Variants in AGBL4 observed in about 807,000 individuals in gnomAD.
AGBL4 encodes cytosolic carboxypeptidase 6.
AGBL4 carries 58 observed loss-of-function variants against 66.4 expected under a neutral mutation model. That is an observed-to-expected ratio of 0.87 (90% CI 0.71 to 1.09). AGBL4 has a LOEUF of 1.09. Ranked by LOEUF, AGBL4 falls within the 50% of genes least tolerant of loss-of-function variation. The pLI is 0.00. For synonymous variants in AGBL4, 234 were observed against 222.9 expected, an observed-to-expected ratio of 1.05 and a Z score of -0.44; for missense variants, 579 against 631.0, an observed-to-expected ratio of 0.92 and a Z score of 0.88.
intron 5 of AGBL4, among the ~76,000 whole-genome samples, chr1:48,941,980 T>C (rs1181465248): frequency 6.6e-6 from 1 of 152,240 alleles, no homozygotes; most frequent in African/African-American, 2.4e-5. Flanking sequence ...CAATGCCTTT[T>C]TCTCTTGCCC....
downstream of AGBL4, among the ~76,000 whole-genome samples, chr1:48,528,635 C>G (rs1417127692): frequency 1.3e-5 from 2 of 152,018 alleles, no homozygotes; most frequent in African/African-American, 2.4e-5. Context: ...ATTAATCACA[C>G]TAATCTGAAT....
chr1:48,924,035 C>T (rs1334400485), intron 5 of AGBL4, among the ~76,000 whole-genome samples: 1 of 152,110 alleles, frequency 6.6e-6, no homozygotes, highest in Non-Finnish European at 1.5e-5. Context: ...TCCCAAGAGA[C>T]TACCCAGATG....
intron 1 of AGBL4, among the ~76,000 whole-genome samples, chr1:49,960,763 T>C (rs1359950919): frequency 6.6e-6 from 1 of 152,070 alleles, no homozygotes; most frequent in Non-Finnish European, 1.5e-5. Context: ...AGGTGACAAA[T>C]GTGAAGCTCA....
intron 3 of AGBL4, among the ~76,000 whole-genome samples, chr1:49,380,987 C>T (rs370263658): frequency 7.8e-4 from 118 of 152,162 alleles, no homozygotes; most frequent in Middle Eastern, 3.4e-3. Context: ...AAGACAAAAT[C>T]GACAAATGGG....
intron 2 of AGBL4, among the ~76,000 whole-genome samples, chr1:49,825,822 C>T (rs1459657074): frequency 1.3e-5 from 2 of 151,794 alleles, no homozygotes; most frequent in Admixed American, 6.6e-5. Flanking sequence ...AACATGTGAG[C>T]CAATTCCTTA....
intron 4 of AGBL4, among the ~76,000 whole-genome samples, chr1:49,083,012 G>C (rs796750502): frequency 5.3e-5 from 8 of 152,316 alleles, no homozygotes; most frequent in African/African-American, 1.9e-4. Context: ...GATTTCATTT[G>C]ACCCCATGTC....
chr1:49,350,604 T>TA (rs904379432), intron 3 of AGBL4, among the ~76,000 whole-genome samples: 2 of 152,234 alleles, frequency 1.3e-5, no homozygotes, highest in African/African-American at 4.8e-5. Flanking sequence ...ATTGAAGGTA[T>TA]CACAAACAAC....
chr1:48,984,636 T>C (rs3121513), intron 5 of AGBL4, among the ~76,000 whole-genome samples: 99,786 of 150,472 alleles, frequency 0.66, 33,565 homozygotes, highest in African/African-American at 0.73. Context: ...TTTAACCTAA[T>C]ATTTTCCAAA....
rs185459470 is a variant in AGBL4 at position 49,353,083 on chromosome 1, C to A, written c.283-107219G>T. 1.5e-4 allele frequency among the ~76,000 whole-genome samples: 23 copies of A among 152,234 alleles called. 1 individual carries two copies. In the East Asian group the frequency reaches 4.3e-3, roughly 28 times the overall value. On this transcript the variant is annotated intron_variant, in intron 3 of 13. Coordinates refer to ENST00000371839, the MANE Select transcript of AGBL4 (RefSeq NM_032785.4). ...TTTACATTAAAGATAGAAAAATTTT[C>A]AAGACACAAAATAATCTTATATAAA...
chr1:49,554,721 C>T (rs1653267503), intron 3 of AGBL4, among the ~76,000 whole-genome samples: 2 of 152,176 alleles, frequency 1.3e-5, no homozygotes, highest in Non-Finnish European at 2.9e-5. Context: ...GTGAGTGTTA[C>T]AGTTCTTAAA....
chr1:49,536,209 G>C (rs2148819043), intron 3 of AGBL4, among the ~76,000 whole-genome samples: 1 of 152,262 alleles, frequency 6.6e-6, no homozygotes, highest in South Asian at 2.1e-4. Flanking sequence ...AAAGAACAAT[G>C]AGTACTTTAG....
At chr1:49,290,648 A>G (rs1644516227) in intron 3 of AGBL4, among the ~76,000 whole-genome samples, 1 of 152,192 alleles carries the variant, frequency 6.6e-6, no homozygotes, top group Admixed American at 6.5e-5. Flanking sequence ...GAATGTTTTC[A>G]GCAAATAAAG....
intron 6 of AGBL4, among the ~76,000 whole-genome samples, chr1:48,821,666 G>C (rs1419450032): frequency 6.6e-6 from 1 of 151,936 alleles, no homozygotes; most frequent in African/African-American, 2.4e-5. Flanking sequence ...ATGGTTGATG[G>C]GTACACTAGA....
chr1:48,774,951 A>G (rs1301854499), intron 6 of AGBL4, among the ~76,000 whole-genome samples: 1 of 152,136 alleles, frequency 6.6e-6, no homozygotes, highest in Non-Finnish European at 1.5e-5. Flanking sequence ...GTACAATACA[A>G]TCGTCAAGAA....
chr1:48,846,666 A>C (rs576780401), intron 6 of AGBL4, among the ~76,000 whole-genome samples: 1 of 152,210 alleles, frequency 6.6e-6, no homozygotes, highest in South Asian at 2.1e-4. Flanking sequence ...AGGCATGGTA[A>C]GTAGGTTTTA....
intron 3 of AGBL4, among the ~76,000 whole-genome samples, chr1:49,656,943 G>A (rs528659113): frequency 1.3e-5 from 2 of 152,240 alleles, no homozygotes; most frequent in South Asian, 4.1e-4. Flanking sequence ...TTGAAAACTG[G>A]TACAAAACAG....
chr1:48,837,682 A>G (rs937518077), intron 6 of AGBL4, among the ~76,000 whole-genome samples: 3 of 129,710 alleles, frequency 2.3e-5, no homozygotes, highest in South Asian at 2.5e-4. Context: ...ACACACACAC[A>G]CACACGCACA....
intron 3 of AGBL4, among the ~76,000 whole-genome samples, chr1:49,526,299 G>T (rs977371537): frequency 6.6e-6 from 1 of 152,038 alleles, no homozygotes; most frequent in Non-Finnish European, 1.5e-5. Context: ...ACAAAATCTG[G>T]AGAGTCTGGC....
chr1:49,752,522 G>A lies in AGBL4; in HGVS notation c.158-55085C>T, dbSNP rs548145301. Among the ~76,000 whole-genome samples the A allele has an allele frequency of 5.3e-5, 8 of 152,262 alleles. No homozygotes were observed. In the South Asian group the frequency reaches 1.7e-3, roughly 32 times the overall value. ...AACAGTTCTAGAATAAGTGCTATGT[G>A]GTCCTGAGAAGAATGTATATTCTGT... On this transcript the variant is annotated intron_variant, in intron 2 of 13. Coordinates refer to ENST00000371839, the MANE Select transcript of AGBL4 (RefSeq NM_032785.4).
Sources: allele counts gnomAD v4.1 joint callset (sites outside exome capture counted in the v4.1 genomes callset), GRCh38; gene constraint gnomAD v4.1.1; transcripts MANE v1.5; gene names NCBI Gene and HGNC (gene_info 2026-07-23, HGNC 2026-07-21).